The following SLC17A9 variants were observed in gnomAD, a reference collection of about 807,000 sequenced individuals.
SLC17A9 encodes the protein voltage-gated purine nucleotide uniporter SLC17A9.
A neutral mutation model predicts 55.0 loss-of-function variants in SLC17A9; 49 were observed. The observed-to-expected ratio is 0.89, with a 90% CI of 0.71 to 1.13. The LOEUF (loss-of-function observed/expected upper bound fraction) is 1.13, where lower values mean the gene tolerates loss of function less well. Among genes scored for constraint, SLC17A9 ranks in the 50% most tolerant of loss-of-function variants. The pLI, the probability that SLC17A9 is intolerant of heterozygous loss-of-function variation, is 0.00. For synonymous variants in SLC17A9, 256 were observed against 247.4 expected, an observed-to-expected ratio of 1.03 and a Z score of -0.32; for missense variants, 526 against 569.3, an observed-to-expected ratio of 0.92 and a Z score of 0.77.
intron 1 of SLC17A9, among the ~76,000 whole-genome samples, chr20:62,956,291 G>A (rs367707609): frequency 3.3e-5 from 5 of 152,282 alleles, no homozygotes; most frequent in Admixed American, 3.3e-4. Flanking sequence ...ACAGCACACC[G>A]TCATCCACTC....
rs978397406 is a variant in SLC17A9, at chr20:62,967,167, C to G, written c.1148-170C>G. The G allele has an allele frequency of 6.4e-6, 5 of 776,022 alleles. No individual in the cohort carries two copies. The Admixed American group carries it at 9.9e-5, about 15-fold the overall frequency. The allele number at this position is 776,022 out of a possible 1,614,324, so 48.1% of individuals were successfully genotyped here. ...TCTGCCCCTCCAAGACCCTCCAAGT[C>G]TGAGCCTGACCCACAGCTGGGACAC... On this transcript the variant is annotated intron_variant, in intron 12 of 12. Coordinates refer to ENST00000370351, the MANE Select transcript of SLC17A9 (RefSeq NM_022082.4).
intron 10 of SLC17A9, among the ~76,000 whole-genome samples, chr20:62,965,939 C>A (rs1296235267): frequency 6.6e-6 from 1 of 152,260 alleles, no homozygotes; most frequent in South Asian, 2.1e-4. Context: ...GTGATTTGTG[C>A]GAACATGCTT....
chr20:62,960,305 G>T (rs1170975224), intron 3 of SLC17A9, among the ~76,000 whole-genome samples, 199 bp from the exon 4 acceptor site: 1 of 152,220 alleles, frequency 6.6e-6, no homozygotes, highest in Non-Finnish European at 1.5e-5. Flanking sequence ...CGGGTGGCAC[G>T]ACCCTGAGCG....
chr20:62,960,935 C>T (rs550416346), intron 4 of SLC17A9, among the ~76,000 whole-genome samples: 2 of 152,256 alleles, frequency 1.3e-5, no homozygotes, highest in South Asian at 4.1e-4. Context: ...TCCCCACCAT[C>T]CGCTGGCCCC....
chr20:62,961,466 C>T, intron 4 of SLC17A9, among the ~76,000 whole-genome samples: 1 of 152,304 alleles, frequency 6.6e-6, no homozygotes, highest in East Asian at 1.9e-4. Flanking sequence ...GACCCTCTAG[C>T]GATGCTGGCG....
Position 62,957,160 on chromosome 20 carries a change from T to C in SLC17A9, c.257+198T>C, listed in dbSNP as rs562660760. The C allele has an allele frequency of 1.3e-5, 13 of 984,862 alleles. No homozygotes were observed. The East Asian group carries it at 1.0e-3, about 77-fold the overall frequency. 61.0% of individuals were successfully genotyped at this position (984,862 alleles called of 1,614,324 possible). A position where few individuals can be genotyped will look rare whatever the true frequency, so the allele number is the denominator to read the frequency against. ...TGCGACTCCTGGGGAAGGAGCTTGG[T>C]GGATAAATCTGGGCAGAAGACCCCC... On this transcript the variant is annotated intron_variant, in intron 2 of 12. Coordinates refer to ENST00000370351, the MANE Select transcript of SLC17A9 (RefSeq NM_022082.4).
In SLC17A9 at chr20:62,965,122, C is replaced by T. The variant is rs1231741902; in HGVS notation, c.911-10C>T. 1.2e-6 allele frequency: 2 copies of T among 1,614,070 alleles called. No individual in the cohort carries two copies. The highest frequency in any genetic ancestry group is 1.7e-6 in the Non-Finnish European group (2 of 1,180,018). On this transcript the variant is annotated splice_polypyrimidine_tract_variant and intron_variant, in intron 8 of 12. Coordinates refer to ENST00000370351, the MANE Select transcript of SLC17A9 (RefSeq NM_022082.4). ...CTAACGGGAGCCCCTTCCTTGGCCT[C>T]CCCCTGTAGGTTACAGAGCCATCAC...
At position 62,963,640 on chromosome 20, in the gene SLC17A9, G is replaced by C; in HGVS notation, c.782G>C (p.Trp261Ser). The change falls in exon 7 of 13, where the codon TGG (tryptophan) becomes TCG (serine). Residue 261 changes from tryptophan (W) to serine (S), a missense_variant. By Grantham distance (177) the Trp-to-Ser change is radical (BLOSUM62 -3). Transcript: ENST00000370351. Reference sequence around the variant, plus strand: ...TGCTCCTTCTTCATCCTCCTCTCCTGGCTGCCCACCTTCTTCGAGGAGACC... The same window carrying C: ...TGCTCCTTCTTCATCCTCCTCTCCTCGCTGCCCACCTTCTTCGAGGAGACC... ...AACSFFILLS[W>S]LPTFFEETFP... 6.2e-7 allele frequency: 1 copy of C among 1,603,774 alleles called. No individual in the cohort carries two copies. The highest frequency in any genetic ancestry group is 8.5e-7 in the Non-Finnish European group (1 of 1,175,268).
chr20:62,966,826 G>T, intron 12 of SLC17A9, 94 bp downstream of exon 12: 1 of 1,491,982 alleles, frequency 6.7e-7, no homozygotes, highest in East Asian at 2.3e-5. Context: ...TCCCTTCAGA[G>T]GGGGTCCGGG....
chr20:62,959,493 T>G (rs1316277028), intron 3 of SLC17A9, among the ~76,000 whole-genome samples: 1 of 152,356 alleles, frequency 6.6e-6, no homozygotes, highest in East Asian at 1.9e-4. Context: ...GGGCACCACC[T>G]GCGGCTGGCT....
chr20:62,957,447 G>T lies in SLC17A9; in HGVS notation c.264G>T (p.Gly88=). 1.3e-6 allele frequency: 2 copies of T among 1,585,728 alleles called. No homozygotes were observed. Among genetic ancestry groups the T allele is most frequent in the South Asian group, 2.3e-5 (2 of 86,010 alleles). The part of the protein sequence containing the change: ...VVGGHLGDRI[G]GEKVILLSAS... Reference sequence around the variant, plus strand: ...CCCTCTGTCTTCCCTCCAGGATTGGGGGTGAGAAGGTCATCCTGCTGTCAG... The same window carrying T: ...CCCTCTGTCTTCCCTCCAGGATTGGTGGTGAGAAGGTCATCCTGCTGTCAG... The change falls in exon 3 of 13, where the codon GGG becomes GGT. Residue 88 remains glycine (G), a synonymous_variant. Transcript: ENST00000370351.
chr20:62,963,621 T>C lies in SLC17A9; in HGVS notation c.763T>C (p.Phe255Leu). ...VVSQLSAACS[F>L]FILLSWLPTF... ...CTCCCAGCTCTCTGCAGCCTGCTCCTTCTTCATCCTCCTCTCCTGGCTGCC... is the reference window on the plus strand; with the variant it reads ...CTCCCAGCTCTCTGCAGCCTGCTCCCTCTTCATCCTCCTCTCCTGGCTGCC... The change falls in exon 7 of 13, where the codon TTC becomes CTC. Residue 255 changes from phenylalanine to leucine, a missense_variant. Physicochemically the swap from Phe to Leu is conservative, Grantham distance 22. Coordinates refer to ENST00000370351, the MANE Select transcript of SLC17A9 (RefSeq NM_022082.4). 2 of 1,603,476 alleles carry C rather than the reference T, an allele frequency of 1.2e-6. No individual in the cohort carries two copies. The highest frequency in any genetic ancestry group is 1.7e-6 in the Non-Finnish European group (2 of 1,175,070).
Position 62,967,616 on chromosome 20 carries a change from A to C in SLC17A9, c.*116A>C. ...AGACACACGAGCAGAGAGGAACACAAACCACTGTGGAGCCTGAAGCTCCTT... is the reference window on the plus strand; with the variant it reads ...AGACACACGAGCAGAGAGGAACACACACCACTGTGGAGCCTGAAGCTCCTT... On this transcript the variant is annotated 3_prime_UTR_variant, in exon 13 of 13. Coordinates refer to ENST00000370351, the MANE Select transcript of SLC17A9 (RefSeq NM_022082.4). 2.8e-5 allele frequency: 29 copies of C among 1,039,014 alleles called. No homozygotes were observed. The highest frequency in any genetic ancestry group is 6.7e-5 in the East Asian group (2 of 29,970). 64.4% of individuals were successfully genotyped at this position (1,039,014 alleles called of 1,614,324 possible).
At chr20:62,965,772 G>A (rs755359397) in intron 10 of SLC17A9, 47 bp downstream of exon 10, 16 of 1,565,896 alleles carry the variant, frequency 1.0e-5, no homozygotes, top group African/African-American at 4.1e-5. Flanking sequence ...CTGCCCGCAC[G>A]GCCGAGGCCC....
At chr20:62,959,761 G>GC (rs1256689162) in intron 3 of SLC17A9, among the ~76,000 whole-genome samples, 3 of 152,256 alleles carry the variant, frequency 2.0e-5, no homozygotes, top group Non-Finnish European at 4.4e-5. Flanking sequence ...GTTTGACGAT[G>GC]CCCCCCTGCA....
Position 62,958,900 on chromosome 20 carries a change from G to C in SLC17A9, c.397+1320G>C, listed in dbSNP as rs1372488351. ...GTGCATGGCCCACCCTCAGAAGAGGGTGCAGCGAGTGCAACTGAGGACTTA... is the reference window on the plus strand; with the variant it reads ...GTGCATGGCCCACCCTCAGAAGAGGCTGCAGCGAGTGCAACTGAGGACTTA... On this transcript the variant is annotated intron_variant, in intron 3 of 12. Coordinates refer to ENST00000370351, the MANE Select transcript of SLC17A9 (RefSeq NM_022082.4). This position sits in a 1 kb window ranked among gnomAD's most constrained non-coding sequence, Gnocchi z 4.1. Among the ~76,000 whole-genome samples the C allele has an allele frequency of 6.6e-6, 1 of 152,186 alleles. No homozygotes were observed. The highest frequency in any genetic ancestry group is 2.4e-5 in the African/African-American group (1 of 41,438).
At chr20:62,957,420 C>G (rs2065546186) in intron 2 of SLC17A9, 21 bp from the exon 3 acceptor site, 1 of 1,559,156 alleles carries the variant, frequency 6.4e-7, no homozygotes, top group Non-Finnish European at 8.7e-7. Flanking sequence ...ACATCCTCAC[C>G]TCCCTCTGTC....
chr20:62,966,514 C>T lies in SLC17A9; in HGVS notation c.1062-11C>T, dbSNP rs763195294. Reference sequence around the variant, plus strand: ...GCCAGGGCCACTCACCACCCTCTTTCCTCCCCACAGTGGCATTTCTGTTAA... The same window carrying T: ...GCCAGGGCCACTCACCACCCTCTTTTCTCCCCACAGTGGCATTTCTGTTAA... On this transcript the variant is annotated splice_polypyrimidine_tract_variant and intron_variant, in intron 10 of 12. Coordinates refer to ENST00000370351, the MANE Select transcript of SLC17A9 (RefSeq NM_022082.4). The T allele has an allele frequency of 4.3e-6, 7 of 1,613,874 alleles. No individual in the cohort carries two copies. The highest frequency in any genetic ancestry group is 5.9e-6 in the Non-Finnish European group (7 of 1,179,848).
rs1601089821 is a variant in SLC17A9 at position 62,958,643 on chromosome 20, A to C, written c.397+1063A>C. ...ACCTTCCTGAGCCGGCATCAGGTTC[A>C]GAGCGCTGGCCATGGCTCCCCTAGA... On this transcript the variant is annotated intron_variant, in intron 3 of 12. Transcript: ENST00000370351. This position sits in a 1 kb window ranked among gnomAD's most constrained non-coding sequence, Gnocchi z 4.1. 1.3e-5 allele frequency among the ~76,000 whole-genome samples: 2 copies of C among 152,112 alleles called. No individual in the cohort carries two copies. The highest frequency in any genetic ancestry group is 3.9e-4 in the East Asian group (2 of 5,166).
Sources: gnomAD v4.1 joint callset for allele counts (sites outside exome capture counted in the v4.1 genomes callset) on GRCh38, gnomAD v4.1.1 for gene constraint, Gnocchi (gnomAD v3.1) non-coding constraint, MANE v1.5 for transcripts, NCBI Gene and HGNC (gene_info 2026-07-23, HGNC 2026-07-21) for gene names.